Variants in PTPRF observed in about 807,000 individuals in gnomAD.
PTPRF encodes the protein protein tyrosine phosphatase receptor type F.
Under a neutral mutation model 201.8 loss-of-function variants are expected in PTPRF, and 59 were observed. The ratio of observed to expected loss-of-function variants is 0.29; its 90% confidence interval spans 0.24 to 0.36. The LOEUF (loss-of-function observed/expected upper bound fraction) is 0.36, where lower values mean the gene tolerates loss of function less well. Ranked by LOEUF, PTPRF falls within the 10% of genes least tolerant of loss-of-function variation. The probability of loss-of-function intolerance (pLI) is 1.00; values close to 1 mark genes in which losing one functional copy is unlikely to be tolerated. For synonymous variants in PTPRF, 1,088 were observed against 1,089.7 expected, an observed-to-expected ratio of 1.00 and a Z score of 0.03; for missense variants, 2,132 against 2,690.5, an observed-to-expected ratio of 0.79 and a Z score of 4.59.
At chr1:43,579,099 C>T (rs577850543) in intron 7 of PTPRF, 179 bp downstream of exon 7, 1 of 723,840 alleles carries the variant, frequency 1.4e-6, no homozygotes, top group African/African-American at 1.7e-5. Flanking sequence ...TTCCTGGCGT[C>T]TGCCACTACT....
Position 43,620,855 on chromosome 1 carries a change from A to G in PTPRF, c.5382A>G (p.Thr1794=). 6.2e-7 allele frequency: 1 copy of G among 1,613,012 alleles called. No individual in the cohort carries two copies. The highest frequency in any genetic ancestry group is 1.1e-5 in the South Asian group (1 of 90,862). The part of the protein sequence containing the change: ...VTDARDGQSR[T]IRQFQFTDWP... ...TTTCCCAGGATGGGCAGTCAAGGAC[A>G]ATCCGGCAGTTCCAGTTCACAGACT... The change falls in exon 32 of 34, where the codon ACA becomes ACG. Residue 1794 remains threonine, a synonymous_variant. Coordinates refer to ENST00000359947, the MANE Select transcript of PTPRF (RefSeq NM_002840.5).
intron 1 of PTPRF, among the ~76,000 whole-genome samples, chr1:43,536,701 C>A (rs926527740): frequency 6.6e-6 from 1 of 152,212 alleles, no homozygotes. Context: ...TCTGGCCAGA[C>A]CTGCTGGGCA....
Position 43,591,208 on chromosome 1 carries a change from G to A in PTPRF, c.1186G>A (p.Gly396Arg). The A allele has an allele frequency of 6.2e-7, 1 of 1,605,742 alleles. No individual in the cohort carries two copies. Among genetic ancestry groups the A allele is most frequent in the Non-Finnish European group, 8.5e-7 (1 of 1,175,836 alleles). Residue 396 changes from glycine (G) to arginine (R), a missense_variant, in exon 9 of 34, where the codon GGG becomes AGG. Gly to Arg is a moderately radical substitution (Grantham distance 125). Transcript: ENST00000359947. Reference protein sequence around the residue: ...AFRVLAVNSIGRGPPSEAVRA... With the variant: ...AFRVLAVNSIRRGPPSEAVRA... ...CCGCGTGCTGGCGGTGAACAGCATC[G>A]GGCGAGGGCCGCCCAGCGAGGCAGT...
Position 43,603,860 on chromosome 1 carries a change from A to C in PTPRF, c.2708A>C (p.Glu903Ala). 3.1e-6 allele frequency: 5 copies of C among 1,614,030 alleles called. No individual in the cohort carries two copies. The highest frequency in any genetic ancestry group is 4.2e-6 in the Non-Finnish European group (5 of 1,180,020). ...AAKNRAGLGE[E>A]FEKEIRTPED... is the part of the protein sequence containing the mutation. ...AAGAACCGGGCTGGCTTGGGTGAGG[A>C]GTTCGAGAAGGAGATCAGGACCCCC... The change falls in exon 16 of 34, where the codon GAG becomes GCG. Residue 903 changes from glutamate to alanine, a missense_variant. This residue lies in a region of PTPRF where 818 missense variants were observed against 915.3 expected (regional missense o/e 0.89). Coordinates refer to ENST00000359947, the MANE Select transcript of PTPRF (RefSeq NM_002840.5). The surrounding 1 kb of genome is among the most constrained non-coding windows in gnomAD (Gnocchi z 5.8).
At chr1:43,544,340 T>G (rs1644527622) in intron 2 of PTPRF, among the ~76,000 whole-genome samples, 1 of 152,112 alleles carries the variant, frequency 6.6e-6, no homozygotes, top group South Asian at 2.1e-4. Context: ...TGGGAATGGG[T>G]AGGACGAGGG....
intron 6 of PTPRF, among the ~76,000 whole-genome samples, chr1:43,574,436 A>AT (rs1436386296): frequency 2.6e-5 from 4 of 152,272 alleles, no homozygotes; most frequent in Non-Finnish European, 5.9e-5. Flanking sequence ...AAAAATAGTT[A>AT]TTTTTTTAAA....
At chr1:43,569,223 C>T (rs940689165) in intron 5 of PTPRF, among the ~76,000 whole-genome samples, 2 of 139,736 alleles carry the variant, frequency 1.4e-5, no homozygotes, top group East Asian at 5.2e-4. Context: ...CTGCTAGCCC[C>T]CCCCCCCACC....
At chr1:43,574,498 T>G (rs1250001860) in intron 6 of PTPRF, among the ~76,000 whole-genome samples, 2 of 152,218 alleles carry the variant, frequency 1.3e-5, no homozygotes, top group Middle Eastern at 3.2e-3. Context: ...ATTACAAATC[T>G]CTTTAATTTG....
chr1:43,592,660 T>A, intron 11 of PTPRF, 59 bp downstream of exon 11: 2 of 1,451,064 alleles, frequency 1.4e-6, no homozygotes, highest in Admixed American at 4.3e-5. Flanking sequence ...CACACACACA[T>A]GCACACACAT....
chr1:43,602,390 G>A (rs1301033442), intron 14 of PTPRF, among the ~76,000 whole-genome samples: 1 of 152,224 alleles, frequency 6.6e-6, no homozygotes, highest in Non-Finnish European at 1.5e-5. Flanking sequence ...AATCCTGATC[G>A]TTAGGCCTTA....
chr1:43,549,097 G>A (rs945027834), intron 3 of PTPRF, among the ~76,000 whole-genome samples: 12 of 152,198 alleles, frequency 7.9e-5, no homozygotes, highest in Admixed American at 7.2e-4. Flanking sequence ...TGCGGCCCCC[G>A]ACCACTGTGT....
Position 43,603,266 on chromosome 1 carries a change from C to A in PTPRF, c.2341-150C>A. On this transcript the variant is annotated intron_variant, in intron 14 of 33. Transcript: ENST00000359947. This position sits in a 1 kb window ranked among gnomAD's most constrained non-coding sequence, Gnocchi z 5.8. ...TCCTACCTGCCTGCTTCCTCTCCAG[C>A]AGAGGCCACCATTGTATAGCCCCAC... 1.5e-6 allele frequency: 1 copy of A among 689,322 alleles called. No individual in the cohort carries two copies. The highest frequency in any genetic ancestry group is 2.5e-6 in the Non-Finnish European group (1 of 397,424). 42.7% of individuals were successfully genotyped at this position (689,322 alleles called of 1,614,324 possible).
intron 11 of PTPRF, among the ~76,000 whole-genome samples, chr1:43,594,604 G>A (rs993858537): frequency 1.2e-4 from 18 of 152,108 alleles, no homozygotes; most frequent in African/African-American, 4.1e-4. Flanking sequence ...GTGAGGTGAT[G>A]GCGGTGGATC....
chr1:43,598,550 C>T (rs956249382), intron 12 of PTPRF, 170 bp from the exon 13 acceptor site: 3 of 647,830 alleles, frequency 4.6e-6, no homozygotes, highest in African/African-American at 3.7e-5. Flanking sequence ...CCGTGGCGGG[C>T]AGAGGGAGCC....
Position 43,588,654 on chromosome 1 carries a change from G to A in PTPRF, c.680-77G>A, listed in dbSNP as rs1363146719. On this transcript the variant is annotated intron_variant, in intron 7 of 33. Transcript: ENST00000359947. The surrounding 1 kb of genome is among the most constrained non-coding windows in gnomAD (Gnocchi z 5.3). The stretch of plus-strand genomic sequence containing the variant: ...TTGGCTCTGACCAGAGGGGCTTCCT[G>A]AATGAGGGGCCCCTGCCCTTCCATG... 6.4e-6 allele frequency: 10 copies of A among 1,559,564 alleles called. No homozygotes were observed. In the African/African-American group the frequency reaches 1.1e-4, roughly 17 times the overall value.
At chr1:43,530,674 A>G (rs1408425566), upstream of PTPRF, among the ~76,000 whole-genome samples, 1 of 152,072 alleles carries the variant, frequency 6.6e-6, no homozygotes. This position sits in a 1 kb window ranked among gnomAD's most constrained non-coding sequence, Gnocchi z 4.1. Context: ...TGGTCTGTCT[A>G]TGTTCATTAT....
chr1:43,606,859 G>T lies in PTPRF; in HGVS notation c.3748G>T (p.Val1250Leu). 6.2e-7 allele frequency: 1 copy of T among 1,614,134 alleles called. No individual in the cohort carries two copies. The highest frequency in any genetic ancestry group is 8.5e-7 in the Non-Finnish European group (1 of 1,180,038). ...SPYSDEIVVQ[V>L]TPAQQQEEPE... ...CTACTCGGATGAGATCGTGGTCCAGGTGACACCAGCCCAGCAGCAGGAGGA... is the reference window on the plus strand; with the variant it reads ...CTACTCGGATGAGATCGTGGTCCAGTTGACACCAGCCCAGCAGCAGGAGGA... Residue 1250 changes from valine (V) to leucine (L), a missense_variant, in exon 21 of 34, where the codon GTG becomes TTG. Val to Leu is a conservative substitution (Grantham distance 32, BLOSUM62 1). Around this residue, in one of 6 missense-constraint regions of PTPRF, gnomAD observed 818 missense variants for 915.3 expected, o/e 0.89. Transcript: ENST00000359947.
chr1:43,553,658 G>A lies in PTPRF; in HGVS notation c.237+21G>A, dbSNP rs368242912. On this transcript the variant is annotated intron_variant, in intron 4 of 33. Transcript: ENST00000359947. The surrounding 1 kb of genome is among the most constrained non-coding windows in gnomAD (Gnocchi z 4.1). ...TCGAGGTGCGTCTGTGGTGGGAAGG[G>A]GTCGGCAGGGCTCAGGGTCTGCCCA... 3.1e-5 allele frequency: 50 copies of A among 1,613,512 alleles called. No individual in the cohort carries two copies. The African/African-American group carries it at 5.7e-4, about 19-fold the overall frequency.
At chr1:43,525,981 C>T (rs757516129), upstream of PTPRF, among the ~76,000 whole-genome samples, 1 of 151,598 alleles carries the variant, frequency 6.6e-6, no homozygotes, top group South Asian at 2.1e-4. Context: ...TCTGGAGAGG[C>T]GTGTGGGGCC....
Sources: gnomAD v4.1 joint callset for allele counts (sites outside exome capture counted in the v4.1 genomes callset) on GRCh38, gnomAD v4.1.1 for gene constraint, gnomAD v4.1.1 regional missense constraint, Gnocchi (gnomAD v3.1) non-coding constraint, MANE v1.5 for transcripts, NCBI Gene and HGNC (gene_info 2026-07-23, HGNC 2026-07-21) for gene names.